Variants in MTMR10 observed in about 807,000 individuals in gnomAD.
MTMR10 encodes the protein myotubularin related protein 10.
In MTMR10, 56 loss-of-function variants were observed where a neutral mutation model predicts 88.1. The observed-to-expected ratio is 0.64, with a 90% CI of 0.51 to 0.79. The LOEUF (loss-of-function observed/expected upper bound fraction) is 0.79. MTMR10 is among the 30% of genes least tolerant of loss of function. The pLI is 0.00. For synonymous variants in MTMR10, 380 were observed against 340.9 expected, an observed-to-expected ratio of 1.11 and a Z score of -1.26; for missense variants, 883 against 924.7, an observed-to-expected ratio of 0.95 and a Z score of 0.58.
chr15:30,964,476 T>C (rs1276512036), intron 6 of MTMR10, among the ~76,000 whole-genome samples: 2 of 152,246 alleles, frequency 1.3e-5, no homozygotes, highest in African/African-American at 4.8e-5. Flanking sequence ...TTTTTGCCAT[T>C]TCTCTCGTTC....
intron 1 of MTMR10, among the ~76,000 whole-genome samples, 191 bp from the exon 2 acceptor site, chr15:30,991,028 A>G (rs995347125): frequency 6.6e-6 from 1 of 152,224 alleles, no homozygotes; most frequent in Non-Finnish European, 1.5e-5. Context: ...ATAATAAAAA[A>G]TGTTTAAACT....
intron 14 of MTMR10, chr15:30,943,709 G>A: frequency 6.1e-6 from 6 of 985,252 alleles, no homozygotes; most frequent in Non-Finnish European, 7.2e-6. Flanking sequence ...GGCGGGTGCA[G>A]CCTAGTTATC....
intron 2 of MTMR10, among the ~76,000 whole-genome samples, chr15:30,980,409 C>T (rs754080460): frequency 3.3e-5 from 5 of 152,172 alleles, no homozygotes; most frequent in East Asian, 1.9e-4. Flanking sequence ...AAATGAACCC[C>T]GAGGGGCTAG....
At chr15:30,949,627 G>A (rs914584902) in intron 12 of MTMR10, 1 of 152,028 alleles carries the variant, frequency 6.6e-6, no homozygotes, top group African/African-American at 2.4e-5. Flanking sequence ...ATAAATATAA[G>A]ACTTACATAA....
chr15:30,927,746 A>G, the MTMR10 span: 1 of 985,612 alleles, frequency 1.0e-6, no homozygotes, highest in Non-Finnish European at 1.2e-6. Flanking sequence ...CTCTGTCGGG[A>G]GGGCTGATGT....
chr15:30,926,064 G>A, the MTMR10 span: 5 of 967,942 alleles, frequency 5.2e-6, no homozygotes, highest in Middle Eastern at 3.0e-4. Flanking sequence ...AGATGCTGTG[G>A]GCTGGGGGAT....
intron 9 of MTMR10, among the ~76,000 whole-genome samples, chr15:30,955,478 G>A (rs1284240459): frequency 2.0e-5 from 3 of 152,214 alleles, no homozygotes; most frequent in Admixed American, 1.3e-4. Context: ...CACCATGTTG[G>A]CCAGGCTGGT....
chr15:30,920,673 C>T, the MTMR10 span: 6 of 1,406,366 alleles, frequency 4.3e-6, no homozygotes, highest in African/African-American at 5.7e-5. Flanking sequence ...CAGGTCCCTG[C>T]CCCCCACCAT....
At chr15:30,950,526 C>T (rs951775246) in intron 12 of MTMR10, among the ~76,000 whole-genome samples, 3 of 152,004 alleles carry the variant, frequency 2.0e-5, no homozygotes, top group African/African-American at 4.8e-5. Context: ...AAAAATTAGC[C>T]GGGCGTGGTG....
At position 30,954,825 on chromosome 15, in the gene MTMR10, G is replaced by A. The variant is rs755409785; in HGVS notation, c.1004C>T (p.Thr335Ile). Residue 335 changes from threonine to isoleucine, a missense_variant, in exon 10 of 16, where the codon ACC (threonine) becomes ATC (isoleucine). This residue lies in a region of MTMR10 where 414 missense variants were observed against 423.2 expected (regional missense o/e 0.98). Transcript: ENST00000435680. ...CTGTACTTCTTGAATATTAGGCAAG[G>A]TCTTATCCAAATCTGATTTGTAAAC... Reference protein sequence around the residue: ...SDVYKSDLDKTLPNIQEVQAA... With the variant: ...SDVYKSDLDKILPNIQEVQAA... The A allele has an allele frequency of 1.3e-6, 2 of 1,594,984 alleles. No individual in the cohort carries two copies. The highest frequency in any genetic ancestry group is 1.7e-6 in the Non-Finnish European group (2 of 1,169,244).
the MTMR10 span, chr15:30,928,435 C>A: frequency 5.3e-6 from 8 of 1,506,854 alleles, no homozygotes; most frequent in South Asian, 1.1e-4. Context: ...TAAAATATTT[C>A]TATTATTTTC....
the MTMR10 span, among the ~76,000 whole-genome samples, chr15:30,933,790 C>G: frequency 1.3e-5 from 2 of 151,292 alleles, no homozygotes; most frequent in African/African-American, 4.9e-5. Flanking sequence ...GACAGACTCT[C>G]ACTATCACCT....
In MTMR10 at chr15:30,974,468, A is replaced by C; in HGVS notation, c.332-12T>G. 1 of 1,509,972 alleles carries C rather than the reference A, an allele frequency of 6.6e-7. No individual in the cohort carries two copies. Among genetic ancestry groups the C allele is most frequent in the Non-Finnish European group, 8.9e-7 (1 of 1,127,154 alleles). 93.5% of individuals were successfully genotyped at this position (1,509,972 alleles called of 1,614,324 possible). ...CTTGTGGTCGTTTACTAAAAAAGAAAAAAAAATAGAGAAAATAAAATGCGT... is the reference window on the plus strand; with the variant it reads ...CTTGTGGTCGTTTACTAAAAAAGAACAAAAAATAGAGAAAATAAAATGCGT... On this transcript the variant is annotated splice_polypyrimidine_tract_variant and intron_variant, in intron 4 of 15. Transcript: ENST00000435680.
intron 12 of MTMR10, 88 bp downstream of exon 12, chr15:30,951,880 T>A (rs2955790): frequency 3.6e-6 from 4 of 1,111,884 alleles, no homozygotes; most frequent in Admixed American, 3.7e-5. Flanking sequence ...TAGCTAAAAC[T>A]GATGTGATTT....
intron 2 of MTMR10, among the ~76,000 whole-genome samples, chr15:30,986,659 ACTTTT>A (rs2030960725): frequency 6.6e-6 from 1 of 152,174 alleles, no homozygotes; most frequent in Non-Finnish European, 1.5e-5. Context: ...AGAAAACTGC[ACTTTT>A]CTTAATTTTC....
intron 2 of MTMR10, among the ~76,000 whole-genome samples, chr15:30,988,532 G>C (rs984248920): frequency 8.5e-5 from 13 of 152,082 alleles, no homozygotes; most frequent in South Asian, 4.1e-4. Flanking sequence ...TGCCATTTCT[G>C]GGACAAGAAA....
downstream of MTMR10, among the ~76,000 whole-genome samples, chr15:30,935,450 AAAC>A (rs1002948967): frequency 2.0e-5 from 3 of 152,352 alleles, no homozygotes; most frequent in African/African-American, 7.2e-5. Flanking sequence ...GAAAAAAGAA[AAAC>A]AATAAAAAGT....
In MTMR10 at chr15:30,941,704, G is replaced by A; in HGVS notation, c.2100C>T (p.Arg700=). The A allele has an allele frequency of 6.2e-7, 1 of 1,613,884 alleles. No individual in the cohort carries two copies. Among genetic ancestry groups the A allele is most frequent in the Non-Finnish European group, 8.5e-7 (1 of 1,179,844 alleles). ...DVLSRMLRQQ[R]SGPLEACYGE... ...CATAGCAGGCCTCCAGGGGGCCACTGCGCTGTTGCCGCAGCATCCTGCTCA... is the reference window on the plus strand; with the variant it reads ...CATAGCAGGCCTCCAGGGGGCCACTACGCTGTTGCCGCAGCATCCTGCTCA... The change falls in exon 16 of 16, where the codon CGC becomes CGT. Residue 700 remains arginine, a synonymous_variant. Coordinates refer to ENST00000435680, the MANE Select transcript of MTMR10 (RefSeq NM_017762.3).
Position 30,952,021 on chromosome 15 carries a change from G to A in MTMR10, c.1154C>T (p.Ser385Leu), listed in dbSNP as rs1439767809. The A allele has an allele frequency of 1.9e-6, 3 of 1,613,572 alleles. No homozygotes were observed. The highest frequency in any genetic ancestry group is 2.5e-6 in the Non-Finnish European group (3 of 1,179,656). The change falls in exon 12 of 16, where the codon TCA (serine) becomes TTA (leucine). Residue 385 changes from serine (S) to leucine (L), a missense_variant. Ser to Leu is a moderately radical substitution (Grantham distance 145). Coordinates refer to ENST00000435680, the MANE Select transcript of MTMR10 (RefSeq NM_017762.3). ...TTCTAGCATGTATACAAGTTCTGCT[G>A]AATGCTTAAGGAATGCCCTGAAGAG... is the stretch of plus-strand genomic sequence containing the variant. ...LEYVRAFLKH[S>L]AELVYMLESK...
Sources: allele counts gnomAD v4.1 joint callset (sites outside exome capture counted in the v4.1 genomes callset), GRCh38; gene constraint gnomAD v4.1.1; regional missense constraint gnomAD v4.1.1; transcripts MANE v1.5; gene names NCBI Gene and HGNC (gene_info 2026-07-23, HGNC 2026-07-21).